The following GPC4 variants were observed in gnomAD, a reference collection of about 807,000 sequenced individuals.
GPC4 encodes glypican 4.
In GPC4, 10 loss-of-function variants were observed where a neutral mutation model predicts 35.0. The observed-to-expected ratio is 0.29, with a 90% CI of 0.18 to 0.48. GPC4 has a LOEUF of 0.48. Among genes scored for constraint, GPC4 ranks in the 20% least tolerant of loss-of-function variants. GPC4 has a pLI of 0.99. For synonymous variants in GPC4, 167 were observed against 170.2 expected, an observed-to-expected ratio of 0.98 and a Z score of 0.15; for missense variants, 322 against 451.3, an observed-to-expected ratio of 0.71 and a Z score of 2.60.
intron 1 of GPC4, among the ~76,000 whole-genome samples, chrX:133,397,356 C>T (rs996543191): frequency 4.5e-5 from 5 of 111,084 alleles, no homozygotes; most frequent in Non-Finnish European, 7.5e-5. Flanking sequence ...GCTGGGAGTT[C>T]GAGACTGGCC....
chrX:133,355,284 T>C (rs187270433), intron 1 of GPC4, among the ~76,000 whole-genome samples: 3 of 112,015 alleles, frequency 2.7e-5, no homozygotes, highest in Admixed American at 1.9e-4. Context: ...GAACAATAGT[T>C]CAATCTCGAG....
At chrX:133,343,874 T>G (rs1321578242) in intron 1 of GPC4, among the ~76,000 whole-genome samples, 1 of 111,209 alleles carries the variant, frequency 9.0e-6, no homozygotes, top group Non-Finnish European at 1.9e-5. Flanking sequence ...TCTTTTTTTT[T>G]GAGGCACTTC....
At chrX:133,373,745 T>C (rs2068622863) in intron 1 of GPC4, among the ~76,000 whole-genome samples, 1 of 111,357 alleles carries the variant, frequency 9.0e-6, no homozygotes, top group African/African-American at 3.3e-5. Flanking sequence ...AAAGGAGAGG[T>C]AAACTATCTC....
intron 1 of GPC4, among the ~76,000 whole-genome samples, chrX:133,349,674 G>GC (rs1395193653): frequency 3.6e-5 from 4 of 112,122 alleles, no homozygotes; most frequent in Non-Finnish European, 7.5e-5. Context: ...AGGATGGAGC[G>GC]CAGTGGCGTG....
intron 2 of GPC4, among the ~76,000 whole-genome samples, chrX:133,336,077 A>G (rs1334959670): frequency 8.9e-6 from 1 of 111,931 alleles, no homozygotes; most frequent in Non-Finnish European, 1.9e-5. Context: ...ATTCACACCA[A>G]GAGCCAGGGT....
intron 1 of GPC4, among the ~76,000 whole-genome samples, chrX:133,351,331 T>C (rs2068515397): frequency 2.7e-5 from 3 of 110,787 alleles, no homozygotes; most frequent in African/African-American, 9.9e-5. Flanking sequence ...GCCAGTTACT[T>C]TGAGTTTCCT....
At chrX:133,331,757 TAA>T (rs10685878) in intron 2 of GPC4, among the ~76,000 whole-genome samples, 3 of 92,834 alleles carry the variant, frequency 3.2e-5, no homozygotes, top group Non-Finnish European at 4.3e-5. Flanking sequence ...TGAGACTGTC[TAA>T]AAAAAAAAAA....
intron 1 of GPC4, among the ~76,000 whole-genome samples, chrX:133,343,222 G>A (rs1343178432): frequency 8.9e-6 from 1 of 111,960 alleles, no homozygotes; most frequent in Non-Finnish European, 1.9e-5. Flanking sequence ...CAGTTAACCA[G>A]TTAGTCTACT....
chrX:133,305,967 G>T, intron 5 of GPC4, 49 bp from the exon 6 acceptor site: 1 of 1,209,752 alleles, frequency 8.3e-7, no homozygotes, highest in Non-Finnish European at 1.1e-6. Flanking sequence ...TCCCAAGGCG[G>T]GAGGCGGAGG....
Position 133,414,853 on chromosome X carries a change from A to C in GPC4, c.113T>G (p.Val38Gly), listed in dbSNP as rs777368594. 8.3e-7 allele frequency: 1 copy of C among 1,211,624 alleles called. No individual in the cohort carries two copies. The highest frequency in any genetic ancestry group is 1.7e-5 in the African/African-American group (1 of 57,838). ...ATCGTTCTTGTTGAAGCCTTTGGAC[A>C]CGTAAAGACGTCGCACTTCCGAGCA... ...KSCSEVRRLY[V>G]SKGFNKNDAP... is the part of the protein sequence containing the mutation. Residue 38 changes from valine (V) to glycine (G), a missense_variant, in exon 1 of 9, where the codon GTG (valine) becomes GGG (glycine). Coordinates refer to ENST00000370828, the MANE Select transcript of GPC4 (RefSeq NM_001448.3).
At chrX:133,354,415 G>A (rs1014008010) in intron 1 of GPC4, among the ~76,000 whole-genome samples, 5 of 111,585 alleles carry the variant, frequency 4.5e-5, no homozygotes, top group African/African-American at 1.3e-4. Context: ...TGTGCTTATC[G>A]GTTTGAAATA....
intron 1 of GPC4, among the ~76,000 whole-genome samples, chrX:133,377,866 CTTTTCT>C (rs2068641470): frequency 1.0e-5 from 1 of 99,902 alleles, no homozygotes; most frequent in Non-Finnish European, 2.0e-5. Flanking sequence ...GTATACCATA[CTTTTCT>C]TTTTCTTTTT....
At chrX:133,395,217 AGTT>A (rs1277401509) in intron 1 of GPC4, among the ~76,000 whole-genome samples, 2 of 111,991 alleles carry the variant, frequency 1.8e-5, no homozygotes, top group Non-Finnish European at 3.8e-5. Context: ...AGTGCTCAGT[AGTT>A]GTTACCTATT....
rs774557331 is a variant in GPC4, at chrX:133,336,118, T to G, written c.319+3065A>C. On this transcript the variant is annotated intron_variant, in intron 2 of 8. Transcript: ENST00000370828. ...TATTATAATAGTTTGGATAATTCTTTGGCCAAAGCATCCACCCTTGAATTT... is the reference window on the plus strand; with the variant it reads ...TATTATAATAGTTTGGATAATTCTTGGGCCAAAGCATCCACCCTTGAATTT... 4.5e-5 allele frequency among the ~76,000 whole-genome samples: 5 copies of G among 112,140 alleles called. No individual in the cohort carries two copies. The South Asian group carries it at 1.9e-3, about 42-fold the overall frequency.
chrX:133,407,425 G>A (rs746221284), intron 1 of GPC4, among the ~76,000 whole-genome samples: 52 of 111,479 alleles, frequency 4.7e-4, no homozygotes, highest in African/African-American at 1.6e-3. Flanking sequence ...CTATCTCAAA[G>A]TAAATATATT....
chrX:133,387,831 T>TA (rs2068699361), intron 1 of GPC4, among the ~76,000 whole-genome samples: 1 of 112,001 alleles, frequency 8.9e-6, no homozygotes, highest in South Asian at 3.8e-4. Flanking sequence ...GCAGCACCGA[T>TA]AGGGCTCAAA....
intron 1 of GPC4, among the ~76,000 whole-genome samples, chrX:133,362,332 T>G (rs185140979): frequency 9.0e-6 from 1 of 111,125 alleles, no homozygotes; most frequent in Non-Finnish European, 1.9e-5. Flanking sequence ...TCTAAAAATG[T>G]CAATGTACCA....
At chrX:133,385,320 A>G (rs1388971031) in intron 1 of GPC4, among the ~76,000 whole-genome samples, 2 of 112,145 alleles carry the variant, frequency 1.8e-5, no homozygotes, top group Non-Finnish European at 3.8e-5. Context: ...AAAAGAGCAT[A>G]AAAGTGTTCA....
intron 2 of GPC4, among the ~76,000 whole-genome samples, chrX:133,329,319 T>TA (rs758426952): frequency 3.6e-5 from 4 of 112,361 alleles, no homozygotes; most frequent in South Asian, 3.7e-4. Flanking sequence ...TTGTCACTCT[T>TA]AGAGTTTCTT....
Sources: gnomAD v4.1 joint callset for allele counts (sites outside exome capture counted in the v4.1 genomes callset) on GRCh38, gnomAD v4.1.1 for gene constraint, MANE v1.5 for transcripts, NCBI Gene and HGNC (gene_info 2026-07-23, HGNC 2026-07-21) for gene names.